SNX8: variants seen among roughly 807,000 people sequenced by gnomAD.
SNX8 encodes the protein sorting nexin-8.
Under a neutral mutation model 51.6 loss-of-function variants are expected in SNX8, and 25 were observed. The ratio of observed to expected loss-of-function variants is 0.48; its 90% CI spans 0.35 to 0.68. The LOEUF is 0.68. SNX8 is among the 30% of genes least tolerant of loss of function. The probability of loss-of-function intolerance (pLI) is 0.00; values close to 1 mark genes in which losing one functional copy is unlikely to be tolerated. For missense variants in SNX8, 695 were observed against 624.0 expected, an observed-to-expected ratio of 1.11 and a Z score of -1.21; for synonymous variants, 324 against 277.0, an observed-to-expected ratio of 1.17 and a Z score of -1.68.
At chr7:2,290,292 G>A (rs532572222) in intron 1 of SNX8, among the ~76,000 whole-genome samples, 27 of 152,224 alleles carry the variant, frequency 1.8e-4, no homozygotes, top group African/African-American at 6.3e-4. Context: ...CTGGAGGCCT[G>A]GAGTTCGAGA....
At chr7:2,327,567 C>T (rs1212580380) in intron 1 of SNX8, among the ~76,000 whole-genome samples, 1 of 152,176 alleles carries the variant, frequency 6.6e-6, no homozygotes, top group Non-Finnish European at 1.5e-5. Flanking sequence ...GCCACCATGC[C>T]CGGCTAATTT....
chr7:2,344,037 A>T (rs2115247716), intron 1 of SNX8, among the ~76,000 whole-genome samples: 1 of 149,466 alleles, frequency 6.7e-6, no homozygotes, highest in East Asian at 2.0e-4. Context: ...CCATCTCAAA[A>T]AAAAAAAAAA....
chr7:2,324,445 C>T (rs1460953924), intron 1 of SNX8, among the ~76,000 whole-genome samples: 1 of 151,808 alleles, frequency 6.6e-6, no homozygotes, highest in Non-Finnish European at 1.5e-5. Context: ...CATGCGCCAC[C>T]ACGCCTGGCT....
chr7:2,300,490 G>A (rs1251985210), intron 1 of SNX8, among the ~76,000 whole-genome samples: 1 of 152,060 alleles, frequency 6.6e-6, no homozygotes, highest in Non-Finnish European at 1.5e-5. Flanking sequence ...TTAGCTCACT[G>A]TAGCCTCAGT....
intron 1 of SNX8, among the ~76,000 whole-genome samples, chr7:2,310,726 G>A (rs997977626): frequency 2.6e-5 from 4 of 151,582 alleles, no homozygotes; most frequent in Non-Finnish European, 5.9e-5. Flanking sequence ...AGCCAAGATC[G>A]CACCACTGCA....
At chr7:2,326,675 T>A (rs927371099) in intron 1 of SNX8, among the ~76,000 whole-genome samples, 41 of 150,860 alleles carry the variant, frequency 2.7e-4, no homozygotes, top group East Asian at 1.2e-3. Context: ...CAAAAAAAAA[T>A]AATAATAATT....
intron 10 of SNX8, 45 bp from the exon 11 acceptor site, chr7:2,255,214 G>T: frequency 7.9e-7 from 1 of 1,267,676 alleles, no homozygotes; most frequent in Non-Finnish European, 1.1e-6. Flanking sequence ...CGGGGCCGGG[G>T]CTCCTCCTCA....
At chr7:2,321,713 CT>C (rs59105866) in intron 1 of SNX8, among the ~76,000 whole-genome samples, 16,298 of 88,656 alleles carry the variant, frequency 0.18, 853 homozygotes, top group African/African-American at 0.24. Context: ...CGCGCCCGGC[CT>C]TTTTTTTTTT....
In SNX8 at chr7:2,275,220, A is replaced by T; in HGVS notation, c.310T>A (p.Ser104Thr). The change falls in exon 3 of 11, where the codon TCC (serine) becomes ACC (threonine). Residue 104 changes from serine to threonine, a missense_variant. Physicochemically the swap from Ser to Thr is moderately conservative, Grantham distance 58 (BLOSUM62 1). Coordinates refer to ENST00000222990, the MANE Select transcript of SNX8 (RefSeq NM_013321.4). ...TCATTGTACCGTCTGTATACCGAGG[A>T]CTTGAAGCGCTGCAAGAGAAGGGTC... is the stretch of plus-strand genomic sequence containing the variant. ...EYEVSSQRFK[S>T]SVYRRYNDFV... The T allele has an allele frequency of 6.2e-7, 1 of 1,612,232 alleles. No homozygotes were observed. The highest frequency in any genetic ancestry group is 1.3e-5 in the African/African-American group (1 of 75,006).
chr7:2,254,910 C>G lies in SNX8; in HGVS notation c.*146G>C. The G allele has an allele frequency of 1.5e-6, 1 of 662,314 alleles. No individual in the cohort carries two copies. The allele number at this position is 662,314 out of a possible 1,614,324, so 41.0% of individuals were successfully genotyped here. A position where few individuals can be genotyped will look rare whatever the true frequency, so the allele number is the denominator to read the frequency against. On this transcript the variant is annotated 3_prime_UTR_variant, in exon 11 of 11. Transcript: ENST00000222990. Reference sequence around the variant, plus strand: ...CATGGTCCACGGATGCGCCTCCCGACCCGCAGGCGTGAGCTCCTCTGCTCC... The same window carrying G: ...CATGGTCCACGGATGCGCCTCCCGAGCCGCAGGCGTGAGCTCCTCTGCTCC...
At chr7:2,345,353 C>T (rs1243294125) in intron 1 of SNX8, among the ~76,000 whole-genome samples, 1 of 152,072 alleles carries the variant, frequency 6.6e-6, no homozygotes, top group African/African-American at 2.4e-5. Flanking sequence ...CATTTAAAGA[C>T]GTAAATGAAC....
Position 2,302,980 on chromosome 7 carries a change from G to A in SNX8, c.94+11348C>T, listed in dbSNP as rs1796439342. Among the ~76,000 whole-genome samples, 6 of 151,910 alleles carry A rather than the reference G, an allele frequency of 3.9e-5. No individual in the cohort carries two copies. The South Asian group carries it at 8.3e-4, about 21-fold the overall frequency. On this transcript the variant is annotated intron_variant, in intron 1 of 10. Transcript: ENST00000222990. ...CGTCTGGGAAGTGAGGAGCGTCTCC[G>A]CCCGGCAGCCACCCCGTCCGGGACA...
At chr7:2,343,938 G>A (rs1269536137) in intron 1 of SNX8, among the ~76,000 whole-genome samples, 1 of 151,488 alleles carries the variant, frequency 6.6e-6, no homozygotes, top group Non-Finnish European at 1.5e-5. Flanking sequence ...GAGGCTGAGG[G>A]AGGAGAATCG....
At chr7:2,293,182 C>G (rs1796192285) in intron 1 of SNX8, among the ~76,000 whole-genome samples, 1 of 148,478 alleles carries the variant, frequency 6.7e-6, no homozygotes, top group Non-Finnish European at 1.5e-5. Context: ...GTGGGAGGAT[C>G]ACATGAGCGC....
At chr7:2,308,597 T>A (rs928533836) in intron 1 of SNX8, among the ~76,000 whole-genome samples, 3 of 136,868 alleles carry the variant, frequency 2.2e-5, no homozygotes, top group African/African-American at 2.8e-5. Flanking sequence ...ACCTAGGAGA[T>A]GGAGGTTGCA....
In SNX8 at chr7:2,334,328, G is replaced by A. The variant is rs1000043891; in HGVS notation, c.-66+19894C>T. On this transcript the variant is annotated intron_variant, in intron 1 of 5. Transcript: ENST00000435336. ...TGAGGCAGGAGAATCACTTGAACCCGGGAGGCAGACGTTGCAGTGAGCTGA... is the reference window on the plus strand; with the variant it reads ...TGAGGCAGGAGAATCACTTGAACCCAGGAGGCAGACGTTGCAGTGAGCTGA... Among the ~76,000 whole-genome samples the A allele has an allele frequency of 4.6e-5, 7 of 151,756 alleles. No homozygotes were observed. In the East Asian group the frequency reaches 5.8e-4, roughly 13 times the overall value.
chr7:2,255,693 C>A (rs1209089578), intron 10 of SNX8, among the ~76,000 whole-genome samples: 1 of 152,226 alleles, frequency 6.6e-6, no homozygotes, highest in Non-Finnish European at 1.5e-5. Flanking sequence ...GGTGACAGAG[C>A]AAGACTCCAC....
chr7:2,313,644 C>T (rs947417041), intron 1 of SNX8, among the ~76,000 whole-genome samples: 1 of 151,842 alleles, frequency 6.6e-6, no homozygotes, highest in South Asian at 2.1e-4. Flanking sequence ...AGGAGGACCG[C>T]TTGAGGCCAG....
chr7:2,302,325 A>G (rs1425366199), intron 1 of SNX8, among the ~76,000 whole-genome samples: 1 of 152,200 alleles, frequency 6.6e-6, no homozygotes, highest in Non-Finnish European at 1.5e-5. Context: ...GGCCGGTCTC[A>G]GCTCCTAACC....
Sources: allele counts gnomAD v4.1 joint callset (sites outside exome capture counted in the v4.1 genomes callset), GRCh38; gene constraint gnomAD v4.1.1; transcripts MANE v1.5; gene names NCBI Gene and HGNC (gene_info 2026-07-23, HGNC 2026-07-21).